GJB7: variants seen among roughly 807,000 people sequenced by gnomAD.
GJB7 encodes gap junction beta-7 protein.
For missense variants in GJB7, 253 were observed against 256.8 expected (o/e 0.99, Z 0.10); for synonymous variants, 87 against 95.2 (o/e 0.91, Z 0.50).
intron 2 of GJB7, among the ~76,000 whole-genome samples, chr6:87,304,757 A>T (rs969309314): frequency 6.6e-6 from 1 of 152,248 alleles, no homozygotes; most frequent in African/African-American, 2.4e-5. Flanking sequence ...CCTGATGAAC[A>T]TCAATGCAAA....
At chr6:87,296,047 C>T (rs748468735) in intron 2 of GJB7, among the ~76,000 whole-genome samples, 3 of 152,160 alleles carry the variant, frequency 2.0e-5, no homozygotes, top group East Asian at 1.9e-4. Flanking sequence ...CACTCTTCAG[C>T]GTTTTGTGGA....
chr6:87,324,751 G>T (rs921394546), intron 1 of GJB7, among the ~76,000 whole-genome samples: 4 of 152,100 alleles, frequency 2.6e-5, no homozygotes, highest in Admixed American at 6.5e-5. Flanking sequence ...TTGGCGATGT[G>T]GGCTCTTTTT....
At chr6:87,299,686 C>T (rs146409881) in intron 2 of GJB7, 34 of 171,430 alleles carry the variant, frequency 2.0e-4, no homozygotes, top group African/African-American at 5.8e-4. Context: ...AAAGAACCAA[C>T]GTGAAGATAC....
In GJB7 at chr6:87,284,819, G is replaced by A. The variant is rs112552839; in HGVS notation, c.94C>T (p.Arg32Cys). The change falls in exon 3 of 3, where the codon CGT becomes TGT. Residue 32 changes from arginine to cysteine, a missense_variant. By Grantham distance (180) the Arg-to-Cys change is radical (BLOSUM62 -3). Transcript: ENST00000525899. ...GCTGCCACCATGTAGACCAGCAAAC[G>A]GAAGACAAACACGACAGCCAGCCAA... ...WIWLAVVFVF[R>C]LLVYMVAAEH... 1.3e-3 allele frequency: 2,059 copies of A among 1,613,980 alleles called. 33 individuals carry two copies. In the African/African-American group the frequency reaches 0.025, roughly 19 times the overall value.
At chr6:87,304,450 A>G (rs578023050) in intron 2 of GJB7, among the ~76,000 whole-genome samples, 1 of 152,350 alleles carries the variant, frequency 6.6e-6, no homozygotes, top group African/African-American at 2.4e-5. Flanking sequence ...TTCTGGACAC[A>G]TACACCCTCC....
chr6:87,305,625 C>A (rs1392116302), intron 2 of GJB7, among the ~76,000 whole-genome samples: 1 of 152,122 alleles, frequency 6.6e-6, no homozygotes, highest in African/African-American at 2.4e-5. Flanking sequence ...AGATTCAATG[C>A]CATCCCCATC....
rs1554214347 is a variant in GJB7, at chr6:87,315,812, A to AAG, written c.-28+7053_-28+7054insCT. The stretch of plus-strand genomic sequence containing the variant: ...CTCTATCTCAAAAAAAAAAAAAAAA[A>AAG]AAAAGAAAGAAAGAAAGAAACAGAA... On this transcript the variant is annotated intron_variant, in intron 2 of 2. Coordinates refer to ENST00000525899, the MANE Select transcript of GJB7 (RefSeq NM_198568.3). Among the ~76,000 whole-genome samples, 167 of 151,634 alleles carry AAG rather than the reference A, an allele frequency of 1.1e-3. 1 individual carries two copies. Among genetic ancestry groups the AAG allele is most frequent in the African/African-American group, 3.8e-3 (156 of 41,360 alleles).
intron 2 of GJB7, among the ~76,000 whole-genome samples, chr6:87,302,114 A>G (rs2127903284): frequency 6.6e-6 from 1 of 152,376 alleles, no homozygotes; most frequent in East Asian, 1.9e-4. Context: ...TCTAAAAATC[A>G]GAGCACCTCT....
chr6:87,299,374 G>T, intron 2 of GJB7: 1 of 491,136 alleles, frequency 2.0e-6, no homozygotes, highest in South Asian at 1.5e-5. Flanking sequence ...AACACTGAAT[G>T]ATGAATTAGA....
At chr6:87,312,766 C>A (rs1776530185) in intron 2 of GJB7, among the ~76,000 whole-genome samples, 1 of 152,192 alleles carries the variant, frequency 6.6e-6, no homozygotes, top group African/African-American at 2.4e-5. Flanking sequence ...TGGCAGAACA[C>A]TCTTTACCCG....
At chr6:87,303,221 C>T (rs1776364061) in intron 2 of GJB7, among the ~76,000 whole-genome samples, 1 of 152,158 alleles carries the variant, frequency 6.6e-6, no homozygotes, top group South Asian at 2.1e-4. Context: ...AATTAAAAGA[C>T]ACAGACTGGC....
rs776814954 is a variant in GJB7, at chr6:87,292,378, AACTTC to A, written c.-27-7444_-27-7440del. Among the ~76,000 whole-genome samples, 212 of 152,366 alleles carry A rather than the reference AACTTC, an allele frequency of 1.4e-3. 1 individual carries two copies. Among genetic ancestry groups the A allele is most frequent in the African/African-American group, 4.5e-3 (189 of 41,580 alleles). ...AATTTATCTTTGATGAGCTTAATTT[AACTTC>A]ACTTCATAAGTCCTATTCTTGGAAA... On this transcript the variant is annotated intron_variant, in intron 2 of 2. Coordinates refer to ENST00000525899, the MANE Select transcript of GJB7 (RefSeq NM_198568.3).
chr6:87,314,951 T>C (rs1562215834), intron 2 of GJB7, among the ~76,000 whole-genome samples: 1 of 152,122 alleles, frequency 6.6e-6, no homozygotes, highest in African/African-American at 2.4e-5. Context: ...AATAAACTTT[T>C]TTTAGGTAAC....
intron 2 of GJB7, among the ~76,000 whole-genome samples, chr6:87,308,128 A>G (rs932467823): frequency 6.6e-6 from 1 of 152,060 alleles, no homozygotes; most frequent in African/African-American, 2.4e-5. Context: ...TCACAGGGAG[A>G]AAAAACCAAA....
intron 1 of GJB7, among the ~76,000 whole-genome samples, chr6:87,328,504 C>G (rs1210637146): frequency 4.0e-5 from 6 of 151,542 alleles, no homozygotes; most frequent in Non-Finnish European, 8.8e-5. Context: ...TGTTGGAGTA[C>G]CCGGCCGTGT....
intron 2 of GJB7, among the ~76,000 whole-genome samples, chr6:87,321,537 C>T (rs1175229284): frequency 6.6e-6 from 1 of 152,128 alleles, no homozygotes; most frequent in African/African-American, 2.4e-5. Context: ...AACCGCCCAC[C>T]CCTTCCCATC....
intron 2 of GJB7, among the ~76,000 whole-genome samples, chr6:87,305,348 G>A (rs1042745983): frequency 1.3e-5 from 2 of 152,066 alleles, no homozygotes; most frequent in African/African-American, 4.8e-5. Flanking sequence ...CAAAATCAAT[G>A]TGCAAAAATC....
chr6:87,312,492 C>G (rs1193713907), intron 2 of GJB7, among the ~76,000 whole-genome samples: 1 of 137,526 alleles, frequency 7.3e-6, no homozygotes, highest in Non-Finnish European at 1.5e-5. Flanking sequence ...GCCTGGGCAA[C>G]AGAGTGAGAC....
chr6:87,325,269 G>C (rs1198028877), intron 1 of GJB7, among the ~76,000 whole-genome samples: 4 of 148,406 alleles, frequency 2.7e-5, no homozygotes, highest in Non-Finnish European at 5.9e-5. Context: ...TCCTTCTCCT[G>C]CCTAATTGCC....
Sources: allele counts gnomAD v4.1 joint callset (sites outside exome capture counted in the v4.1 genomes callset), GRCh38; gene constraint gnomAD v4.1.1; transcripts MANE v1.5; gene names NCBI Gene and HGNC (gene_info 2026-07-23, HGNC 2026-07-21).